The following POU6F2 variants were observed in gnomAD, a reference collection of about 807,000 sequenced individuals.
The protein encoded by POU6F2 is POU domain, class 6, transcription factor 2.
In POU6F2, 31 loss-of-function variants were observed where a neutral mutation model predicts 71.3. That is an observed-to-expected ratio of 0.43 (90% CI 0.33 to 0.59). The LOEUF (loss-of-function observed/expected upper bound fraction) is 0.59. Among genes scored for constraint, POU6F2 ranks in the 20% least tolerant of loss-of-function variants. The pLI, the probability that POU6F2 is intolerant of heterozygous loss-of-function variation, is 0.04. For synonymous variants in POU6F2, 347 were observed against 355.7 expected (o/e 0.98, Z 0.27); for missense variants, 783 against 856.8 (o/e 0.91, Z 1.07).
At chr7:39,433,970 T>C (rs887015) in intron 7 of POU6F2, among the ~76,000 whole-genome samples, 42,305 of 152,004 alleles carry the variant, frequency 0.28, 6,219 homozygotes, top group East Asian at 0.51. Flanking sequence ...TGCTTTCTGA[T>C]TTTAGGGAGC....
chr7:39,399,643 C>T (rs1283036959), intron 5 of POU6F2, among the ~76,000 whole-genome samples: 1 of 152,032 alleles, frequency 6.6e-6, no homozygotes, highest in Non-Finnish European at 1.5e-5. Flanking sequence ...CACTGGAGCC[C>T]AGGAGTTTGA....
intron 1 of POU6F2, among the ~76,000 whole-genome samples, chr7:39,032,279 CCTT>C (rs1176741504): frequency 4.6e-5 from 7 of 152,164 alleles, no homozygotes; most frequent in African/African-American, 1.4e-4. Context: ...CACAGTGAGT[CCTT>C]CTTCATGCCA....
At chr7:39,404,673 G>T (rs142062717) in intron 5 of POU6F2, 1 of 152,170 alleles carries the variant, frequency 6.6e-6, no homozygotes, top group African/African-American at 2.4e-5. Context: ...AACTTGTATT[G>T]CATGAAAGAA....
intron 4 of POU6F2, among the ~76,000 whole-genome samples, chr7:39,317,772 T>C (rs1360916929): frequency 5.9e-5 from 9 of 152,324 alleles, no homozygotes; most frequent in Admixed American, 2.6e-4. Flanking sequence ...CAATCCTACC[T>C]TCTTCTCTGT....
intron 1 of POU6F2, among the ~76,000 whole-genome samples, chr7:38,993,146 T>A (rs1050032843): frequency 7.2e-5 from 11 of 152,330 alleles, no homozygotes; most frequent in African/African-American, 2.6e-4. Context: ...AATAGTAATA[T>A]TTGATCACTT....
chr7:39,072,180 C>A (rs1790896219), intron 1 of POU6F2, among the ~76,000 whole-genome samples: 1 of 152,142 alleles, frequency 6.6e-6, no homozygotes, highest in Non-Finnish European at 1.5e-5. Context: ...AGGCAAAGTG[C>A]ATGCCCCTGT....
rs1458894843 is a variant in POU6F2 at position 39,358,682 on chromosome 7, C to T, written c.972+18667C>T. 1.3e-5 allele frequency among the ~76,000 whole-genome samples: 2 copies of T among 151,954 alleles called. 1 individual carries two copies. Among genetic ancestry groups the T allele is most frequent in the Non-Finnish European group, 2.9e-5 (2 of 67,962 alleles). ...GGTTGAGCTATAGCATTGTGAGAAA[C>T]TGGGGTTTTTAACAGAAAGATTGAG... On this transcript the variant is annotated intron_variant, in intron 5 of 9. Coordinates refer to ENST00000518318, the MANE Select transcript of POU6F2 (RefSeq NM_001370959.1).
At chr7:39,089,231 A>G (rs747657651) in intron 2 of POU6F2, among the ~76,000 whole-genome samples, 67 of 152,258 alleles carry the variant, frequency 4.4e-4, no homozygotes, top group Non-Finnish European at 7.8e-4. Context: ...GTGGTTAGGT[A>G]GTTCTCTGTG....
At chr7:39,275,166 C>G (rs1282081833) in intron 4 of POU6F2, among the ~76,000 whole-genome samples, 1 of 152,136 alleles carries the variant, frequency 6.6e-6, no homozygotes, top group African/African-American at 2.4e-5. Context: ...TGTCTCAGCC[C>G]AAAATCTCCT....
chr7:39,351,102 G>T (rs542562730), intron 5 of POU6F2, among the ~76,000 whole-genome samples: 6 of 152,348 alleles, frequency 3.9e-5, no homozygotes, highest in African/African-American at 1.4e-4. Context: ...GAGACTCCGT[G>T]TGTGCAGCCA....
intron 1 of POU6F2, among the ~76,000 whole-genome samples, chr7:39,024,570 C>T (rs1367388680): frequency 6.6e-6 from 1 of 152,080 alleles, no homozygotes. Context: ...GAGAGGGCAT[C>T]CCTGTCTTGT....
intron 5 of POU6F2, among the ~76,000 whole-genome samples, chr7:39,375,594 T>C (rs1397792851): frequency 1.3e-5 from 2 of 151,036 alleles, no homozygotes; most frequent in Admixed American, 6.6e-5. Context: ...ACACAGGGAC[T>C]CGATGGCCAA....
rs548360809 is a variant in POU6F2 at position 39,140,530 on chromosome 7, GGCAGCCAT to G, written c.277+54500_277+54507del. Among the ~76,000 whole-genome samples, 307 of 152,306 alleles carry G rather than the reference GGCAGCCAT, an allele frequency of 2.0e-3. 1 individual carries two copies. Among genetic ancestry groups the G allele is most frequent in the African/African-American group, 7.0e-3 (289 of 41,558 alleles). On this transcript the variant is annotated intron_variant, in intron 2 of 9. Transcript: ENST00000518318. ...CCTCTTTCAGTTTCTGGTGGCTGCT[GGCAGCCAT>G]TGGCTTGTGGCCACATCATCCCAGT...
At chr7:39,139,635 T>A (rs1320528789) in intron 2 of POU6F2, among the ~76,000 whole-genome samples, 2 of 152,204 alleles carry the variant, frequency 1.3e-5, no homozygotes, top group Non-Finnish European at 2.9e-5. Flanking sequence ...TCTCAAGTGA[T>A]GTCTATTTCA....
chr7:39,190,512 A>G (rs1329630022), intron 2 of POU6F2, among the ~76,000 whole-genome samples: 2 of 138,860 alleles, frequency 1.4e-5, no homozygotes, highest in Non-Finnish European at 3.1e-5. Flanking sequence ...TAGGTTTGTT[A>G]TGAAGATTAA....
intron 1 of POU6F2, among the ~76,000 whole-genome samples, chr7:39,055,452 T>C (rs900543804): frequency 6.6e-6 from 1 of 152,156 alleles, no homozygotes; most frequent in African/African-American, 2.4e-5. Context: ...TGAATACTAA[T>C]GGGCAGATTC....
At chr7:39,265,330 A>C (rs1245335038) in intron 4 of POU6F2, among the ~76,000 whole-genome samples, 1 of 152,180 alleles carries the variant, frequency 6.6e-6, no homozygotes, top group Non-Finnish European at 1.5e-5. Flanking sequence ...CTGGAGCCAG[A>C]TGGGCTTTGA....
chr7:39,421,858 T>C (rs1397376893), intron 6 of POU6F2, among the ~76,000 whole-genome samples: 2 of 152,192 alleles, frequency 1.3e-5, no homozygotes, highest in Non-Finnish European at 2.9e-5. Context: ...TCCCAAGCAA[T>C]AAATAACTTT....
intron 2 of POU6F2, among the ~76,000 whole-genome samples, chr7:39,180,965 C>T (rs1183583832): frequency 3.9e-5 from 6 of 152,148 alleles, no homozygotes; most frequent in African/African-American, 4.8e-5. Context: ...CTACCCCAGA[C>T]AATTAGAGCA....
Sources: gnomAD v4.1 joint callset for allele counts (sites outside exome capture counted in the v4.1 genomes callset) on GRCh38, gnomAD v4.1.1 for gene constraint, MANE v1.5 for transcripts, NCBI Gene and HGNC (gene_info 2026-07-23, HGNC 2026-07-21) for gene names.